HS3ST4: variants seen among roughly 807,000 people sequenced by gnomAD.
The protein encoded by HS3ST4 is heparan sulfate-glucosamine 3-sulfotransferase 4.
A neutral mutation model predicts 29.2 loss-of-function variants in HS3ST4; 17 were observed. The ratio of observed to expected loss-of-function variants is 0.58; its 90% CI spans 0.40 to 0.87. The LOEUF (loss-of-function observed/expected upper bound fraction) is 0.87. Ranked by LOEUF, HS3ST4 falls within the 40% of genes least tolerant of loss-of-function variation. HS3ST4 has a pLI of 0.00. For missense variants in HS3ST4, 627 were observed against 634.5 expected (o/e 0.99, Z 0.13); for synonymous variants, 314 against 285.7 (o/e 1.10, Z -1.00).
chr16:26,115,183 T>C (rs571553777), intron 1 of HS3ST4, among the ~76,000 whole-genome samples: 5 of 145,350 alleles, frequency 3.4e-5, no homozygotes, highest in Non-Finnish European at 7.8e-5. Flanking sequence ...CCCAAAACAC[T>C]ATTATGTATT....
chr16:26,089,022 T>C (rs964093916), intron 1 of HS3ST4, among the ~76,000 whole-genome samples: 5 of 152,208 alleles, frequency 3.3e-5, no homozygotes, highest in Admixed American at 1.3e-4. Context: ...GTCTAGCTTG[T>C]TGCCTGCCTG....
intron 1 of HS3ST4, among the ~76,000 whole-genome samples, chr16:26,026,752 C>T (rs568944972): frequency 2.0e-5 from 3 of 152,050 alleles, no homozygotes; most frequent in East Asian, 1.9e-4. Context: ...GAAGTGGGGT[C>T]GTCATAATTG....
At chr16:25,934,465 C>T (rs566166764) in intron 1 of HS3ST4, among the ~76,000 whole-genome samples, 3 of 152,262 alleles carry the variant, frequency 2.0e-5, no homozygotes, top group Admixed American at 2.0e-4. Flanking sequence ...TGAGAAAGAG[C>T]ATTAATGATT....
intron 1 of HS3ST4, among the ~76,000 whole-genome samples, chr16:26,071,670 G>T (rs1230478229): frequency 1.3e-5 from 2 of 152,098 alleles, no homozygotes; most frequent in South Asian, 2.1e-4. Context: ...CACACCAAAG[G>T]TCGGTTGCAG....
At chr16:25,842,752 CTCTG>C (rs1967428502) in intron 1 of HS3ST4, among the ~76,000 whole-genome samples, 1 of 152,162 alleles carries the variant, frequency 6.6e-6, no homozygotes, top group Admixed American at 6.5e-5. Context: ...CCTATAGACA[CTCTG>C]TCTGATCATA....
chr16:25,793,772 G>T (rs543319384), intron 1 of HS3ST4, among the ~76,000 whole-genome samples: 1 of 152,022 alleles, frequency 6.6e-6, no homozygotes, highest in South Asian at 2.1e-4. Flanking sequence ...TTACTGATAT[G>T]CTGGGATTTA....
chr16:26,121,614 G>A (rs1286331219), intron 1 of HS3ST4, among the ~76,000 whole-genome samples: 1 of 152,194 alleles, frequency 6.6e-6, no homozygotes, highest in African/African-American at 2.4e-5. Context: ...GCAGTGGTGA[G>A]CTGGCACACA....
intron 1 of HS3ST4, among the ~76,000 whole-genome samples, chr16:25,782,668 G>T (rs972556959): frequency 6.6e-5 from 10 of 152,284 alleles, no homozygotes; most frequent in African/African-American, 1.9e-4. Context: ...CCTTACAGCT[G>T]CTTGGATAGC....
intron 1 of HS3ST4, among the ~76,000 whole-genome samples, chr16:25,751,777 C>T (rs1026374603): frequency 6.6e-6 from 1 of 152,108 alleles, no homozygotes; most frequent in African/African-American, 2.4e-5. Flanking sequence ...ATTTGGCTTA[C>T]ACACAGTGGT....
intron 1 of HS3ST4, among the ~76,000 whole-genome samples, chr16:26,034,158 G>C (rs1019911986): frequency 1.3e-5 from 2 of 152,132 alleles, no homozygotes; most frequent in Non-Finnish European, 2.9e-5. Flanking sequence ...GACATCCATA[G>C]GTTCCTGGAA....
chr16:26,008,796 G>A (rs1217916161), intron 1 of HS3ST4, among the ~76,000 whole-genome samples: 1 of 152,170 alleles, frequency 6.6e-6, no homozygotes, highest in African/African-American at 2.4e-5. Context: ...TCCAGCCTGG[G>A]CGATAGAGTG....
intron 1 of HS3ST4, among the ~76,000 whole-genome samples, chr16:25,997,017 C>A (rs1247538697): frequency 6.6e-6 from 1 of 152,044 alleles, no homozygotes; most frequent in African/African-American, 2.4e-5. Flanking sequence ...TAAAATATTT[C>A]TTTTCCTTTT....
intron 1 of HS3ST4, among the ~76,000 whole-genome samples, chr16:25,882,078 G>A (rs1033930815): frequency 3.9e-4 from 59 of 152,202 alleles, no homozygotes; most frequent in African/African-American, 1.3e-3. Flanking sequence ...GTTACCCTCC[G>A]TCCCTCTCTC....
At chr16:25,922,168 A>G (rs140654047) in intron 1 of HS3ST4, among the ~76,000 whole-genome samples, 1,975 of 152,212 alleles carry the variant, frequency 0.013, 29 homozygotes, top group African/African-American at 0.035. Flanking sequence ...GTCTTCTGCT[A>G]ACTGCTGCTA....
At chr16:25,975,041 A>G (rs989584924) in intron 1 of HS3ST4, among the ~76,000 whole-genome samples, 5 of 152,036 alleles carry the variant, frequency 3.3e-5, no homozygotes, top group Non-Finnish European at 5.9e-5. Flanking sequence ...TGCTCTTACC[A>G]TTTACATCCA....
chr16:26,071,305 T>G (rs1219289643), intron 1 of HS3ST4, among the ~76,000 whole-genome samples: 1 of 152,028 alleles, frequency 6.6e-6, no homozygotes, highest in Non-Finnish European at 1.5e-5. Flanking sequence ...GGGAAGCGGC[T>G]GTAGAAATTA....
At chr16:25,869,230 T>C (rs1396004291) in intron 1 of HS3ST4, among the ~76,000 whole-genome samples, 3 of 151,922 alleles carry the variant, frequency 2.0e-5, no homozygotes, top group Admixed American at 2.0e-4. Flanking sequence ...GAAACAGCAT[T>C]GGTGGTGTGG....
intron 1 of HS3ST4, among the ~76,000 whole-genome samples, chr16:26,119,127 C>T (rs1899238137): frequency 6.6e-6 from 1 of 152,196 alleles, no homozygotes; most frequent in South Asian, 2.1e-4. Flanking sequence ...GTGTACACTG[C>T]AAATAGCAGA....
chr16:26,020,451 C>T (rs531130974), intron 1 of HS3ST4, among the ~76,000 whole-genome samples: 67 of 152,254 alleles, frequency 4.4e-4, no homozygotes, highest in African/African-American at 1.3e-3. Flanking sequence ...CACAGCCAAA[C>T]GAGAGATGAT....
Sources: gnomAD v4.1 joint callset for allele counts (sites outside exome capture counted in the v4.1 genomes callset) on GRCh38, gnomAD v4.1.1 for gene constraint, MANE v1.5 for transcripts, NCBI Gene and HGNC (gene_info 2026-07-23, HGNC 2026-07-21) for gene names.